The following LRRTM3 variants were observed in gnomAD, a reference collection of about 807,000 sequenced individuals.
LRRTM3 encodes the protein leucine rich repeat transmembrane neuronal 3.
LRRTM3 carries 24 observed loss-of-function variants against 44.7 expected under a neutral mutation model. That is an observed-to-expected ratio of 0.54 (90% CI 0.39 to 0.76). The LOEUF is 0.76. LRRTM3 is among the 30% of genes least tolerant of loss of function. The pLI is 0.00. For missense variants in LRRTM3, 587 were observed against 702.2 expected, an observed-to-expected ratio of 0.84 and a Z score of 1.85; for synonymous variants, 277 against 278.7, an observed-to-expected ratio of 0.99 and a Z score of 0.06.
chr10:67,054,022 T>G (rs1418454701), intron 2 of LRRTM3, among the ~76,000 whole-genome samples: 1 of 152,166 alleles, frequency 6.6e-6, no homozygotes, highest in Non-Finnish European at 1.5e-5. Flanking sequence ...AAGAGCCCAC[T>G]GACCAGTTTC....
At chr10:66,991,291 A>G (rs1851021051) in intron 2 of LRRTM3, among the ~76,000 whole-genome samples, 1 of 152,198 alleles carries the variant, frequency 6.6e-6, no homozygotes, top group Non-Finnish European at 1.5e-5. Flanking sequence ...ATCAAGACAT[A>G]TATTTCTAAG....
intron 2 of LRRTM3, among the ~76,000 whole-genome samples, chr10:66,956,554 G>A (rs1338276190): frequency 6.6e-6 from 1 of 152,132 alleles, no homozygotes; most frequent in Non-Finnish European, 1.5e-5. Flanking sequence ...CAGGCAGCTA[G>A]TAAGAGTTGT....
At chr10:66,957,246 G>A (rs1442351537) in intron 2 of LRRTM3, among the ~76,000 whole-genome samples, 1 of 151,858 alleles carries the variant, frequency 6.6e-6, no homozygotes, top group Non-Finnish European at 1.5e-5. Flanking sequence ...GAAGTGAGAT[G>A]TAATCTTTTA....
chr10:66,949,045 A>G (rs1277126963), intron 2 of LRRTM3, among the ~76,000 whole-genome samples: 2 of 152,232 alleles, frequency 1.3e-5, no homozygotes, highest in Non-Finnish European at 2.9e-5. Flanking sequence ...TCTTGCAAAC[A>G]AATATAACAA....
intron 2 of LRRTM3, among the ~76,000 whole-genome samples, chr10:67,030,829 C>T (rs966683209): frequency 2.0e-5 from 3 of 152,080 alleles, no homozygotes; most frequent in African/African-American, 7.2e-5. Flanking sequence ...CATGGTGAAA[C>T]CCCGTCTCTA....
intron 2 of LRRTM3, chr10:67,054,922 TA>T (rs2133199266): frequency 6.6e-6 from 1 of 152,298 alleles, no homozygotes; most frequent in Non-Finnish European, 1.5e-5. Flanking sequence ...TGACTGTCAT[TA>T]TAATGTTAAA....
intron 2 of LRRTM3, among the ~76,000 whole-genome samples, chr10:66,958,828 A>T (rs1848971391): frequency 6.6e-6 from 1 of 152,176 alleles, no homozygotes; most frequent in Non-Finnish European, 1.5e-5. Flanking sequence ...GAAAGGAATT[A>T]AAATGGGGAG....
At chr10:66,957,401 T>TATATATATATGCATATATATATATGC (rs1848857671) in intron 2 of LRRTM3, among the ~76,000 whole-genome samples, 1 of 30,612 alleles carries the variant, frequency 3.3e-5, no homozygotes, top group African/African-American at 2.4e-4. Context: ...TACATATATA[T>TATATATATATGCATATATATATATGC]ATATATATAT....
intron 2 of LRRTM3, among the ~76,000 whole-genome samples, chr10:67,027,070 GA>G (rs758990688): frequency 3.3e-5 from 5 of 152,158 alleles, no homozygotes; most frequent in Admixed American, 1.3e-4. Flanking sequence ...AACTCTCTGA[GA>G]GCGTAGATTT....
chr10:66,931,192 TAAA>T (rs3056552), intron 2 of LRRTM3, among the ~76,000 whole-genome samples: 8 of 118,710 alleles, frequency 6.7e-5, no homozygotes, highest in Non-Finnish European at 1.0e-4. Flanking sequence ...TGACAACAGT[TAAA>T]AAAAAAAAAA....
chr10:67,013,606 CA>C (rs1191377678), intron 2 of LRRTM3, among the ~76,000 whole-genome samples: 3 of 152,108 alleles, frequency 2.0e-5, no homozygotes, highest in Non-Finnish European at 4.4e-5. Context: ...GCTATGAGTA[CA>C]GATTACTTCC....
At chr10:67,028,711 A>C (rs1379102909) in intron 2 of LRRTM3, among the ~76,000 whole-genome samples, 1 of 152,086 alleles carries the variant, frequency 6.6e-6, no homozygotes, top group African/African-American at 2.4e-5. Context: ...ACTATTTAGA[A>C]CATTTAAAAT....
chr10:67,051,612 C>T (rs567369080), intron 2 of LRRTM3, among the ~76,000 whole-genome samples: 1 of 151,880 alleles, frequency 6.6e-6, no homozygotes, highest in Admixed American at 6.6e-5. Flanking sequence ...GACCTCATGA[C>T]CTGAGATGGT....
chr10:67,072,337 G>T (rs1465537450), intron 2 of LRRTM3, among the ~76,000 whole-genome samples: 1 of 151,998 alleles, frequency 6.6e-6, no homozygotes, highest in African/African-American at 2.4e-5. Context: ...TTAAGTCCTT[G>T]CCAGTTACCT....
chr10:66,942,672 C>T (rs1206876017), intron 2 of LRRTM3, among the ~76,000 whole-genome samples: 1 of 151,488 alleles, frequency 6.6e-6, no homozygotes, highest in Non-Finnish European at 1.5e-5. Flanking sequence ...CTCTCTCTTT[C>T]CTTTCTCTAC....
rs959150917 is a variant in LRRTM3, at chr10:67,077,748, T to C, written c.1537-19839T>C. ...ATAATATCTATTTCTATTTATTCGC[T>C]CATCTCACTAGCACCTAAGACAGTA... On this transcript the variant is annotated intron_variant, in intron 2 of 2. Coordinates refer to ENST00000361320, the MANE Select transcript of LRRTM3 (RefSeq NM_178011.5). 1.4e-4 allele frequency among the ~76,000 whole-genome samples: 22 copies of C among 152,212 alleles called. No homozygotes were observed. In the East Asian group the frequency reaches 4.2e-3, roughly 29 times the overall value.
chr10:66,977,198 G>T (rs1267278790), intron 2 of LRRTM3, among the ~76,000 whole-genome samples: 1 of 152,092 alleles, frequency 6.6e-6, no homozygotes, highest in Admixed American at 6.6e-5. Context: ...TAGCACTTTG[G>T]GAGGCCGAGG....
intron 2 of LRRTM3, among the ~76,000 whole-genome samples, chr10:67,005,688 T>TTTTTTTTTTTTTTTTTC (rs1851938028): frequency 1.0e-5 from 1 of 98,836 alleles, no homozygotes; most frequent in Admixed American, 1.1e-4. Flanking sequence ...CCATCTTTTT[T>TTTTTTTTTTTTTTTTTC]TTTTTTTTTT....
chr10:66,959,007 C>T (rs546463275), intron 2 of LRRTM3, among the ~76,000 whole-genome samples: 1 of 152,156 alleles, frequency 6.6e-6, no homozygotes, highest in East Asian at 1.9e-4. Context: ...CACAGCCTTT[C>T]TACAGACCCT....
Sources: gnomAD v4.1 joint callset for allele counts (sites outside exome capture counted in the v4.1 genomes callset) on GRCh38, gnomAD v4.1.1 for gene constraint, MANE v1.5 for transcripts, NCBI Gene and HGNC (gene_info 2026-07-23, HGNC 2026-07-21) for gene names.